CCDC170: variants seen among roughly 807,000 people sequenced by gnomAD.
CCDC170 encodes the protein coiled-coil domain containing 170.
CCDC170 carries 69 observed loss-of-function variants against 72.6 expected under a neutral mutation model. That is an observed-to-expected ratio of 0.95 (90% confidence interval 0.78 to 1.16). The LOEUF is 1.16. Among genes scored for constraint, CCDC170 ranks in the 50% most tolerant of loss-of-function variants. CCDC170 has a pLI of 0.00. For synonymous variants in CCDC170, 300 were observed against 303.9 expected (o/e 0.99, Z 0.13); for missense variants, 852 against 832.5 (o/e 1.02, Z -0.29).
chr6:151,585,445 A>G (rs990440347), intron 6 of CCDC170, among the ~76,000 whole-genome samples: 2 of 152,204 alleles, frequency 1.3e-5, no homozygotes, highest in African/African-American at 4.8e-5. Flanking sequence ...AATTCCCTGT[A>G]ATACCTCAAT....
chr6:151,524,058 C>T (rs115003992), intron 1 of CCDC170, among the ~76,000 whole-genome samples: 2,552 of 152,246 alleles, frequency 0.017, 67 homozygotes, highest in African/African-American at 0.059. Context: ...TGTAAGAAAC[C>T]GATGAGGGCT....
At chr6:151,591,686 G>A (rs952222513) in intron 7 of CCDC170, among the ~76,000 whole-genome samples, 69 of 152,068 alleles carry the variant, frequency 4.5e-4, no homozygotes, top group Non-Finnish European at 4.9e-4. Context: ...TAGTAGAGAC[G>A]GGGTTTCACT....
intron 1 of CCDC170, among the ~76,000 whole-genome samples, chr6:151,512,152 G>GTTTTTTTTT (rs1247040921): frequency 7.2e-6 from 1 of 138,398 alleles, no homozygotes; most frequent in African/African-American, 2.9e-5. Context: ...GCAGTATACC[G>GTTTTTTTTT]TTTTTTTTTG....
chr6:151,615,586 T>A lies in CCDC170; in HGVS notation c.1854T>A (p.Asn618Lys). The A allele has an allele frequency of 6.2e-7, 1 of 1,613,614 alleles. No homozygotes were observed. Among genetic ancestry groups the A allele is most frequent in the Middle Eastern group, 1.7e-4 (1 of 6,058 alleles). The change falls in exon 10 of 11, where the codon AAT (asparagine) becomes AAA (lysine). Residue 618 changes from asparagine to lysine, a missense_variant. Coordinates refer to ENST00000239374, the MANE Select transcript of CCDC170 (RefSeq NM_025059.4). ...LDTTEHEAKE[N>K]KERARNMIEV... ...CCACAGAACATGAGGCTAAGGAGAA[T>A]AAAGAAAGGGCCAGAAACATGATAG...
At position 151,596,459 on chromosome 6, in the gene CCDC170, C is replaced by T. The variant is rs201487502; in HGVS notation, c.1592C>T (p.Ala531Val). Residue 531 changes from alanine (A) to valine (V), a missense_variant, in exon 9 of 11, where the codon GCG becomes GTG. Physicochemically the swap from Ala to Val is moderately conservative, Grantham distance 64. Transcript: ENST00000239374. ...GCCTTGGTGGTTGAGAGGGACAACG[C>T]GCATCTTACCATCAGGAACTTGCAG... Reference protein sequence around the residue: ...RTALVVERDNAHLTIRNLQKK... With the variant: ...RTALVVERDNVHLTIRNLQKK... The T allele has an allele frequency of 1.1e-4, 182 of 1,613,962 alleles. 1 individual carries two copies. In the South Asian group the frequency reaches 1.3e-3, roughly 11 times the overall value.
chr6:151,538,442 A>C, intron 3 of CCDC170, 141 bp downstream of exon 3: 2 of 838,674 alleles, frequency 2.4e-6, no homozygotes, highest in Non-Finnish European at 3.7e-6. Flanking sequence ...TTGACCTCAA[A>C]TATCTTTGGA....
At chr6:151,570,652 C>T (rs1315666663) in intron 5 of CCDC170, among the ~76,000 whole-genome samples, 1 of 152,118 alleles carries the variant, frequency 6.6e-6, no homozygotes, top group East Asian at 1.9e-4. Context: ...GAACCAATTC[C>T]CCAAGGATAC....
At chr6:151,496,036 G>T (rs1167501090) in intron 1 of CCDC170, among the ~76,000 whole-genome samples, 1 of 152,026 alleles carries the variant, frequency 6.6e-6, no homozygotes, top group Non-Finnish European at 1.5e-5. Context: ...TTCAAACCTG[G>T]AACAGTTCTT....
intron 7 of CCDC170, among the ~76,000 whole-genome samples, chr6:151,590,376 TA>T (rs1378036775): frequency 6.6e-6 from 1 of 152,216 alleles, no homozygotes; most frequent in African/African-American, 2.4e-5. Flanking sequence ...TCCCTTACTA[TA>T]AATGAATCAT....
intron 10 of CCDC170, among the ~76,000 whole-genome samples, chr6:151,617,540 C>A (rs929864823): frequency 2.0e-5 from 3 of 149,870 alleles, no homozygotes; most frequent in African/African-American, 7.4e-5. Flanking sequence ...TTAGTTCTTC[C>A]TAGTATGCAG....
Position 151,538,236 on chromosome 6 carries a change from T to G in CCDC170, c.378T>G (p.Ala126=), listed in dbSNP as rs752971422. ...CTAAAATCAGAACAGAAATCACAGC[T>G]CACGCTGCAATCAAGGAGAACCAGG... ...STSKIRTEIT[A]HAAIKENQEL... The change falls in exon 3 of 11, where the codon GCT becomes GCG. Residue 126 remains alanine, a synonymous_variant. Coordinates refer to ENST00000239374, the MANE Select transcript of CCDC170 (RefSeq NM_025059.4). The G allele has an allele frequency of 2.5e-6, 4 of 1,613,780 alleles. No homozygotes were observed. Among genetic ancestry groups the G allele is most frequent in the Non-Finnish European group, 3.4e-6 (4 of 1,179,798 alleles).
intron 1 of CCDC170, among the ~76,000 whole-genome samples, chr6:151,526,319 T>A (rs1782410308): frequency 6.6e-6 from 1 of 151,932 alleles, no homozygotes; most frequent in Non-Finnish European, 1.5e-5. Flanking sequence ...CCTCCTAGGT[T>A]CAAGTCATTC....
At chr6:151,534,383 T>C (rs1001995768) in intron 1 of CCDC170, among the ~76,000 whole-genome samples, 2 of 151,490 alleles carry the variant, frequency 1.3e-5, no homozygotes, top group Admixed American at 6.6e-5. Flanking sequence ...AAAAAAAAGA[T>C]GTTAGTCATT....
At chr6:151,568,574 C>T (rs984797749) in intron 5 of CCDC170, among the ~76,000 whole-genome samples, 2 of 152,208 alleles carry the variant, frequency 1.3e-5, no homozygotes, top group African/African-American at 2.4e-5. Flanking sequence ...CCCCTGGCTA[C>T]AATTCCCTTC....
intron 5 of CCDC170, among the ~76,000 whole-genome samples, chr6:151,552,779 C>CTTTTTTTTTTTTTTTT (rs71014597): frequency 1.8e-5 from 1 of 56,708 alleles, no homozygotes; most frequent in Non-Finnish European, 3.1e-5. Context: ...TCAGCCAATT[C>CTTTTTTTTTTTTTTTT]TTTTTTTTTT....
chr6:151,528,676 A>G (rs1472124017), intron 1 of CCDC170, among the ~76,000 whole-genome samples: 1 of 152,094 alleles, frequency 6.6e-6, no homozygotes, highest in Admixed American at 6.6e-5. Flanking sequence ...CATCTCTACT[A>G]AAAATACAAA....
chr6:151,502,429 T>C (rs1582999672), intron 1 of CCDC170, among the ~76,000 whole-genome samples: 1 of 152,256 alleles, frequency 6.6e-6, no homozygotes, highest in Non-Finnish European at 1.5e-5. Flanking sequence ...TGACTGAATT[T>C]CCCTTATGCT....
chr6:151,587,151 C>G (rs186765943), intron 7 of CCDC170, among the ~76,000 whole-genome samples: 1 of 151,912 alleles, frequency 6.6e-6, no homozygotes, highest in Non-Finnish European at 1.5e-5. Flanking sequence ...TGGAGGGTCT[C>G]GGAAACAATG....
intron 5 of CCDC170, among the ~76,000 whole-genome samples, chr6:151,551,630 T>G (rs531315458): frequency 6.6e-6 from 1 of 152,286 alleles, no homozygotes; most frequent in East Asian, 1.9e-4. Context: ...TCAGCTACCA[T>G]GTGGTGAAGA....
Sources: gnomAD v4.1 joint callset for allele counts (sites outside exome capture counted in the v4.1 genomes callset) on GRCh38, gnomAD v4.1.1 for gene constraint, MANE v1.5 for transcripts, NCBI Gene and HGNC (gene_info 2026-07-23, HGNC 2026-07-21) for gene names.